The following OR1B1 variants were observed in gnomAD, a reference collection of about 807,000 sequenced individuals.
OR1B1 encodes olfactory receptor 1B1.
For missense variants in OR1B1, 414 were observed against 402.1 expected (o/e 1.03, Z -0.25); for synonymous variants, 168 against 156.2 (o/e 1.08, Z -0.57).
chr9:122,642,989 C>T, the OR1B1 span, among the ~76,000 whole-genome samples: 208 of 152,204 alleles, frequency 1.4e-3, 4 homozygotes, highest in Admixed American at 1.4e-3. Flanking sequence ...CTGGCATGTA[C>T]TAAAAGGCTC....
the OR1B1 span, among the ~76,000 whole-genome samples, chr9:122,649,527 A>T: frequency 6.6e-6 from 1 of 152,368 alleles, no homozygotes; most frequent in Middle Eastern, 3.4e-3. Flanking sequence ...AATATCCAGA[A>T]TCTACAAAGA....
At chr9:122,651,024 C>CAA in the OR1B1 span, among the ~76,000 whole-genome samples, 1 of 130,156 alleles carries the variant, frequency 7.7e-6, no homozygotes, top group Non-Finnish European at 1.7e-5. Flanking sequence ...GACGCCGTCT[C>CAA]AAAAAAAAAA....
the OR1B1 span, among the ~76,000 whole-genome samples, chr9:122,645,414 T>A: frequency 2.0e-5 from 3 of 151,760 alleles, no homozygotes; most frequent in African/African-American, 7.3e-5. Flanking sequence ...GAGAAAAATA[T>A]CAACATTCAA....
chr9:122,651,411 T>A, the OR1B1 span, among the ~76,000 whole-genome samples: 1 of 152,226 alleles, frequency 6.6e-6, no homozygotes, highest in African/African-American at 2.4e-5. Context: ...AACACTGAAC[T>A]TATTCTTCCT....
rs1270938397 is a variant in OR1B1 at position 122,629,317 on chromosome 9, C to T, written c.219G>A (p.Met73Ile). The change falls in exon 1 of 1, where the codon ATG becomes ATA. Residue 73 changes from methionine (M) to isoleucine (I), a missense_variant. Coordinates refer to ENST00000623530, the Ensembl canonical transcript of OR1B1. ...GGGGCAGTGTAACTGTGGATAGCCC[C>T]ATGTCTATCACAGAGAGGCCACGAA... 1.9e-6 allele frequency: 3 copies of T among 1,613,876 alleles called. No individual in the cohort carries two copies. The Admixed American group carries it at 5.0e-5, about 27-fold the overall frequency.
the OR1B1 span, among the ~76,000 whole-genome samples, chr9:122,636,609 T>C: frequency 6.6e-6 from 1 of 152,006 alleles, no homozygotes; most frequent in Non-Finnish European, 1.5e-5. Context: ...AGAATGAAAC[T>C]CTGTCTCAAA....
chr9:122,647,713 G>A, the OR1B1 span, among the ~76,000 whole-genome samples: 3 of 152,160 alleles, frequency 2.0e-5, no homozygotes, highest in South Asian at 4.1e-4. Flanking sequence ...GATGCACTGT[G>A]TGTAACTCAA....
chr9:122,646,176 A>G, the OR1B1 span, among the ~76,000 whole-genome samples: 1 of 152,152 alleles, frequency 6.6e-6, no homozygotes, highest in African/African-American at 2.4e-5. Flanking sequence ...GTAACCTCAA[A>G]TCAAAAAACA....
At chr9:122,631,516 C>G (rs752995936), upstream of OR1B1, among the ~76,000 whole-genome samples, 1 of 152,094 alleles carries the variant, frequency 6.6e-6, no homozygotes, top group Non-Finnish European at 1.5e-5. Context: ...CTTTCAAGAA[C>G]ATAAGGGAAA....
upstream of OR1B1, among the ~76,000 whole-genome samples, chr9:122,634,378 C>CA (rs899959239): frequency 6.7e-6 from 1 of 148,688 alleles, no homozygotes; most frequent in Non-Finnish European, 1.5e-5. Flanking sequence ...AAAAAAGAAA[C>CA]AAAAAAGAAA....
the OR1B1 span, chr9:122,637,070 C>A: frequency 5.9e-5 from 9 of 152,162 alleles, no homozygotes; most frequent in African/African-American, 1.2e-4. Flanking sequence ...AATTTTAATT[C>A]TCAAGCAATT....
At chr9:122,629,691 G>T, upstream of OR1B1, 2 of 555,266 alleles carry the variant, frequency 3.6e-6, no homozygotes, top group South Asian at 2.9e-5. Flanking sequence ...CCCTCCCTAA[G>T]GTCTAGGATT....
At chr9:122,641,942 T>A in the OR1B1 span, among the ~76,000 whole-genome samples, 1 of 151,892 alleles carries the variant, frequency 6.6e-6, no homozygotes, top group Non-Finnish European at 1.5e-5. Context: ...TAATTGGGGA[T>A]TAGAATAAAG....
At chr9:122,629,207 C>A in exon 1 of OR1B1, 1 of 1,613,948 alleles carries the variant, frequency 6.2e-7, no homozygotes, top group Non-Finnish European at 8.5e-7. Context: ...ATCTGTAACC[C>A]CAAATGCATA....
the OR1B1 span, among the ~76,000 whole-genome samples, chr9:122,636,646 C>T: frequency 6.6e-6 from 1 of 152,092 alleles, no homozygotes; most frequent in African/African-American, 2.4e-5. Flanking sequence ...AATAAACAAA[C>T]AAACACACAC....
At chr9:122,629,269 A>G in exon 1 of OR1B1, 1 of 1,614,156 alleles carries the variant, frequency 6.2e-7, no homozygotes, top group Non-Finnish European at 8.5e-7. Flanking sequence ...TTGGGTAATG[A>G]GAGACCAAAT....
the OR1B1 span, among the ~76,000 whole-genome samples, chr9:122,640,699 T>G: frequency 6.6e-6 from 1 of 152,190 alleles, no homozygotes; most frequent in South Asian, 2.1e-4. Context: ...AATCTATGCC[T>G]CTGGATATAC....
chr9:122,652,585 T>C, the OR1B1 span, among the ~76,000 whole-genome samples: 1 of 152,234 alleles, frequency 6.6e-6, no homozygotes, highest in Non-Finnish European at 1.5e-5. Context: ...TTATTACAGG[T>C]TTAGAGTTAA....
chr9:122,657,254 T>G, the OR1B1 span, among the ~76,000 whole-genome samples: 1 of 147,356 alleles, frequency 6.8e-6, no homozygotes, highest in Non-Finnish European at 1.5e-5. Flanking sequence ...TTACCAGAAG[T>G]GTCTTTACAC....
Sources: gnomAD v4.1 joint callset for allele counts (sites outside exome capture counted in the v4.1 genomes callset) on GRCh38, gnomAD v4.1.1 for gene constraint, MANE v1.5 for transcripts, NCBI Gene and HGNC (gene_info 2026-07-23, HGNC 2026-07-21) for gene names.